Variants in FSTL5 observed in about 807,000 individuals in gnomAD.
The protein encoded by FSTL5 is follistatin-related protein 5.
Under a neutral mutation model 89.1 loss-of-function variants are expected in FSTL5, and 62 were observed. The ratio of observed to expected loss-of-function variants is 0.70; its 90% confidence interval spans 0.57 to 0.86. FSTL5 has a LOEUF of 0.86. Among genes scored for constraint, FSTL5 ranks in the 40% least tolerant of loss-of-function variants. FSTL5 has a pLI of 0.00. For missense variants in FSTL5, 1,057 were observed against 1,001.6 expected (o/e 1.06, Z -0.75); for synonymous variants, 383 against 346.2 (o/e 1.11, Z -1.18).
intron 6 of FSTL5, among the ~76,000 whole-genome samples, chr4:161,722,379 G>C (rs573841401): frequency 6.6e-6 from 1 of 152,232 alleles, no homozygotes; most frequent in South Asian, 2.1e-4. Flanking sequence ...GGTCATCTAA[G>C]TCTTTTCAGA....
chr4:162,003,624 A>G (rs1011265034), intron 3 of FSTL5, among the ~76,000 whole-genome samples: 3 of 152,220 alleles, frequency 2.0e-5, no homozygotes, highest in Admixed American at 6.5e-5. Flanking sequence ...GAAAATAGAA[A>G]AAAATGTATA....
chr4:161,713,525 T>C (rs575544542), intron 6 of FSTL5, among the ~76,000 whole-genome samples: 1 of 152,280 alleles, frequency 6.6e-6, no homozygotes, highest in African/African-American at 2.4e-5. Flanking sequence ...AAAAATTGTC[T>C]TTCACAGAAC....
At chr4:162,138,494 G>T (rs1732601709) in intron 1 of FSTL5, among the ~76,000 whole-genome samples, 1 of 151,894 alleles carries the variant, frequency 6.6e-6, no homozygotes, top group South Asian at 2.1e-4. Context: ...TCTTTAAAAA[G>T]ACATCTATTT....
chr4:161,638,270 G>T (rs2126664732), intron 7 of FSTL5, among the ~76,000 whole-genome samples: 1 of 151,640 alleles, frequency 6.6e-6, no homozygotes, highest in South Asian at 2.1e-4. Flanking sequence ...CTGTTTGTCT[G>T]TTGTTGGTGT....
intron 5 of FSTL5, among the ~76,000 whole-genome samples, chr4:161,770,921 A>G (rs924051704): frequency 1.3e-5 from 2 of 152,034 alleles, no homozygotes; most frequent in African/African-American, 4.8e-5. Flanking sequence ...AATTCTTAGG[A>G]TTAGGAACAC....
chr4:161,433,413 C>G (rs568185354), intron 15 of FSTL5, among the ~76,000 whole-genome samples: 1 of 151,904 alleles, frequency 6.6e-6, no homozygotes, highest in Non-Finnish European at 1.5e-5. Flanking sequence ...CATACTTCAA[C>G]ATAATAAAAG....
At chr4:161,740,260 T>C (rs1739969472) in intron 6 of FSTL5, among the ~76,000 whole-genome samples, 1 of 152,104 alleles carries the variant, frequency 6.6e-6, no homozygotes, top group Admixed American at 6.5e-5. Context: ...CCTCAAGTTA[T>C]TCGCCCACCT....
chr4:161,406,586 G>GTTA (rs139693828), intron 15 of FSTL5, among the ~76,000 whole-genome samples: 111 of 152,234 alleles, frequency 7.3e-4, no homozygotes, highest in African/African-American at 2.6e-3. Context: ...ACAGTCTGGA[G>GTTA]TTTTGATCCA....
intron 13 of FSTL5, among the ~76,000 whole-genome samples, chr4:161,472,243 C>A (rs1448000520): frequency 6.6e-6 from 1 of 152,126 alleles, no homozygotes; most frequent in Non-Finnish European, 1.5e-5. Context: ...TCCCAAAGTG[C>A]TGGAATTGCA....
chr4:161,848,564 A>C (rs1336862460), intron 4 of FSTL5, among the ~76,000 whole-genome samples: 1 of 152,216 alleles, frequency 6.6e-6, no homozygotes, highest in South Asian at 2.1e-4. Context: ...GCATATTTGC[A>C]TATTATATGT....
chr4:161,603,350 A>G (rs1462713929), intron 7 of FSTL5, among the ~76,000 whole-genome samples: 1 of 152,198 alleles, frequency 6.6e-6, no homozygotes, highest in Non-Finnish European at 1.5e-5. Flanking sequence ...TTTAAAAATA[A>G]GGATGGAGTC....
rs1735622019 is a variant in FSTL5, at chr4:161,634,529, TATAA to T, written c.894+21795_894+21798del. Among the ~76,000 whole-genome samples the T allele has an allele frequency of 2.6e-5, 4 of 152,100 alleles. No individual in the cohort carries two copies. The South Asian group carries it at 8.3e-4, about 31-fold the overall frequency. ...TGACAAATGGATAAAGAAAATACAG[TATAA>T]ATATTAAATGATAGGTTATCCAATC... On this transcript the variant is annotated intron_variant, in intron 7 of 15. Coordinates refer to ENST00000306100, the MANE Select transcript of FSTL5 (RefSeq NM_020116.5).
intron 6 of FSTL5, among the ~76,000 whole-genome samples, chr4:161,732,879 G>A (rs568682790): frequency 6.8e-6 from 1 of 146,920 alleles, no homozygotes; most frequent in African/African-American, 2.5e-5. Flanking sequence ...ATACCACTCT[G>A]TTTTTATTAC....
chr4:161,634,240 C>A (rs1735609331), intron 7 of FSTL5, among the ~76,000 whole-genome samples: 1 of 152,108 alleles, frequency 6.6e-6, no homozygotes, highest in Admixed American at 6.6e-5. Context: ...GATAATAATA[C>A]AAAACTTTCA....
chr4:162,011,955 C>A (rs1046942058), intron 3 of FSTL5, among the ~76,000 whole-genome samples: 1 of 152,078 alleles, frequency 6.6e-6, no homozygotes, highest in Admixed American at 6.6e-5. Flanking sequence ...TCTCTCTGTG[C>A]GTGTTTTTGA....
At chr4:161,934,213 T>C (rs1734369421) in intron 3 of FSTL5, among the ~76,000 whole-genome samples, 1 of 152,106 alleles carries the variant, frequency 6.6e-6, no homozygotes. Flanking sequence ...CATCACATTA[T>C]TCTGCCTGTA....
chr4:161,773,055 A>C (rs1741267087), intron 5 of FSTL5, among the ~76,000 whole-genome samples: 1 of 152,188 alleles, frequency 6.6e-6, no homozygotes, highest in Non-Finnish European at 1.5e-5. Flanking sequence ...ACTTACAGCC[A>C]GTGATCTTTG....
intron 15 of FSTL5, among the ~76,000 whole-genome samples, chr4:161,452,475 C>CA (rs35025996): frequency 0.039 from 5,052 of 130,584 alleles, 153 homozygotes; most frequent in East Asian, 0.18. Context: ...GACTCTGTCT[C>CA]AAAAAAAAAA....
intron 3 of FSTL5, among the ~76,000 whole-genome samples, chr4:162,003,926 G>A (rs1399258562): frequency 6.6e-6 from 1 of 152,154 alleles, no homozygotes; most frequent in Non-Finnish European, 1.5e-5. Context: ...ATAATCCTGA[G>A]TAGATGAAGG....
Sources: gnomAD v4.1 joint callset for allele counts (sites outside exome capture counted in the v4.1 genomes callset) on GRCh38, gnomAD v4.1.1 for gene constraint, MANE v1.5 for transcripts, NCBI Gene and HGNC (gene_info 2026-07-23, HGNC 2026-07-21) for gene names.